RNF111: variants seen among roughly 807,000 people sequenced by gnomAD.
The protein encoded by RNF111 is ring finger protein 111.
A neutral mutation model predicts 95.1 loss-of-function variants in RNF111; 17 were observed. That is an observed-to-expected ratio of 0.18 (90% CI 0.12 to 0.27). The LOEUF is 0.27. RNF111 is among the 10% of genes least tolerant of loss of function. The pLI is 1.00. For synonymous variants in RNF111, 440 were observed against 414.8 expected, an observed-to-expected ratio of 1.06 and a Z score of -0.74; for missense variants, 1,189 against 1,210.4, an observed-to-expected ratio of 0.98 and a Z score of 0.26.
chr15:59,030,795 G>A lies in RNF111; in HGVS notation c.-19-9G>A, dbSNP rs376106481. Reference sequence around the variant, plus strand: ...AAAAATCTTTTAAATATCTAATTTTGTCTTCTAGGCTTTCCTTAAAGTTTC... The same window carrying A: ...AAAAATCTTTTAAATATCTAATTTTATCTTCTAGGCTTTCCTTAAAGTTTC... On this transcript the variant is annotated splice_polypyrimidine_tract_variant and intron_variant, in intron 1 of 13. Transcript: ENST00000348370. 207 of 1,516,764 alleles carry A rather than the reference G, an allele frequency of 1.4e-4. No homozygotes were observed. Among genetic ancestry groups the A allele is most frequent in the Non-Finnish European group, 1.5e-4 (174 of 1,130,170 alleles). 94.0% of individuals were successfully genotyped at this position (1,516,764 alleles called of 1,614,324 possible).
At chr15:59,081,593 A>G (rs1435815908) in intron 8 of RNF111, among the ~76,000 whole-genome samples, 2 of 152,124 alleles carry the variant, frequency 1.3e-5, no homozygotes, top group Non-Finnish European at 2.9e-5. Context: ...GGTGAGGCTC[A>G]TTCCCGTAAT....
At chr15:59,000,401 C>T (rs984139045) in intron 1 of RNF111, among the ~76,000 whole-genome samples, 3 of 151,832 alleles carry the variant, frequency 2.0e-5, no homozygotes, top group Non-Finnish European at 2.9e-5. Flanking sequence ...AGGCACCCGG[C>T]CCATTTTTAA....
intron 5 of RNF111, 21 bp downstream of exon 5, chr15:59,058,571 G>C (rs776545454): frequency 1.2e-6 from 2 of 1,603,612 alleles, no homozygotes; most frequent in Admixed American, 3.3e-5. Context: ...AAGTGGGGGA[G>C]GGGAGACTTT....
At chr15:59,015,260 G>C (rs2040013105) in intron 1 of RNF111, among the ~76,000 whole-genome samples, 1 of 152,100 alleles carries the variant, frequency 6.6e-6, no homozygotes, top group Non-Finnish European at 1.5e-5. Context: ...TTATCATTTT[G>C]AAGGCTTTCT....
intron 1 of RNF111, chr15:59,004,192 A>G: frequency 1.8e-6 from 2 of 1,083,138 alleles, no homozygotes; most frequent in South Asian, 3.8e-5. Context: ...CTTTGTTTTT[A>G]GTTATCTTCC....
At chr15:59,084,384 C>A in intron 9 of RNF111, 130 bp downstream of exon 9, 1 of 910,332 alleles carries the variant, frequency 1.1e-6, no homozygotes, top group Non-Finnish European at 1.5e-6. Context: ...TTAACTGAGA[C>A]ACTGCCTCTG....
chr15:59,026,903 C>T lies in RNF111; in HGVS notation c.-19-3901C>T, dbSNP rs372454635. On this transcript the variant is annotated intron_variant, in intron 1 of 13. Coordinates refer to ENST00000348370, the MANE Select transcript of RNF111 (RefSeq NM_017610.8). Reference sequence around the variant, plus strand: ...GTGTACAAACACACACCACAGCATACACCAAACCACCCCCCCTTGCTCTCC... The same window carrying T: ...GTGTACAAACACACACCACAGCATATACCAAACCACCCCCCCTTGCTCTCC... Among the ~76,000 whole-genome samples, 6 of 152,280 alleles carry T rather than the reference C, an allele frequency of 3.9e-5. No individual in the cohort carries two copies. In the East Asian group the frequency reaches 9.6e-4, roughly 24 times the overall value.
At chr15:59,070,138 T>G (rs1274392669) in intron 6 of RNF111, among the ~76,000 whole-genome samples, 4 of 149,884 alleles carry the variant, frequency 2.7e-5, no homozygotes, top group African/African-American at 9.9e-5. Context: ...GACTTCTAAT[T>G]GGCTGGGACT....
At position 59,089,736 on chromosome 15, in the gene RNF111, G is replaced by A. The variant is rs373243485; in HGVS notation, c.2620G>A (p.Gly874Ser). Residue 874 changes from glycine to serine, a missense_variant, in exon 11 of 14, where the codon GGT (glycine) becomes AGT (serine). Gly to Ser is a moderately conservative substitution (Grantham distance 56). This residue lies in a region of RNF111 where 165 missense variants were observed against 284.6 expected (regional missense o/e 0.58). Coordinates refer to ENST00000348370, the MANE Select transcript of RNF111 (RefSeq NM_017610.8). The part of the protein sequence containing the change: ...SSGLDGTSFR[G>S]PFRGNFEELI... ...AGGATTGGATGGAACATCATTCAGAGGTCCTTTCAGGGGCAATTTTGAGGT... is the reference window on the plus strand; with the variant it reads ...AGGATTGGATGGAACATCATTCAGAAGTCCTTTCAGGGGCAATTTTGAGGT... 12 of 1,612,986 alleles carry A rather than the reference G, an allele frequency of 7.4e-6. No homozygotes were observed. The highest frequency in any genetic ancestry group is 1.0e-5 in the Non-Finnish European group (12 of 1,179,296).
chr15:59,051,263 C>A (rs566716188), intron 2 of RNF111, among the ~76,000 whole-genome samples: 2 of 150,148 alleles, frequency 1.3e-5, no homozygotes, highest in South Asian at 4.2e-4. Context: ...ACCATCCTGG[C>A]TAACACAGTG....
chr15:59,018,999 C>G (rs2040202175), intron 1 of RNF111, among the ~76,000 whole-genome samples: 1 of 152,048 alleles, frequency 6.6e-6, no homozygotes, highest in Non-Finnish European at 1.5e-5. Flanking sequence ...CCTCAGCTCA[C>G]TGCAGCCTCT....
At chr15:59,093,782 A>G (rs2079123577) in intron 13 of RNF111, among the ~76,000 whole-genome samples, 1 of 152,008 alleles carries the variant, frequency 6.6e-6, no homozygotes, top group South Asian at 2.1e-4. Context: ...ACTTTGTCGT[A>G]CCTCTTCAGT....
At position 59,041,592 on chromosome 15, in the gene RNF111, C is replaced by T. The variant is rs537631721; in HGVS notation, c.880+9890C>T. ...AAAAAAAAATTACTGCAATAAATAGCTTTTTGTATATGTCATTTCATATTT... is the reference window on the plus strand; with the variant it reads ...AAAAAAAAATTACTGCAATAAATAGTTTTTTGTATATGTCATTTCATATTT... On this transcript the variant is annotated intron_variant, in intron 2 of 13. Coordinates refer to ENST00000348370, the MANE Select transcript of RNF111 (RefSeq NM_017610.8). Among the ~76,000 whole-genome samples, 14 of 152,118 alleles carry T rather than the reference C, an allele frequency of 9.2e-5. No individual in the cohort carries two copies. The East Asian group carries it at 2.5e-3, about 27-fold the overall frequency.
rs569196011 is a variant in RNF111 at position 59,076,119 on chromosome 15, A to G, written c.1852A>G (p.Ile618Val). The G allele has an allele frequency of 7.1e-5, 115 of 1,614,160 alleles. 1 individual carries two copies. In the South Asian group the frequency reaches 9.9e-4, roughly 14 times the overall value. ...AAAPSQPLSS[I>V]DGYGSSMVAQ... ...TGCCCCAAGTCAACCTTTATCATCA[A>G]TAGATGGCTATGGATCAAGCATGGT... is the stretch of plus-strand genomic sequence containing the variant. Residue 618 changes from isoleucine (I) to valine (V), a missense_variant, in exon 7 of 14, where the codon ATA becomes GTA. By Grantham distance (29) the Ile-to-Val change is conservative. This residue lies in a region of RNF111 where 1,024 missense variants were observed against 925.9 expected (regional missense o/e 1.11). Coordinates refer to ENST00000348370, the MANE Select transcript of RNF111 (RefSeq NM_017610.8).
chr15:58,991,173 G>A (rs981424680), intron 1 of RNF111, among the ~76,000 whole-genome samples: 1 of 151,776 alleles, frequency 6.6e-6, no homozygotes, highest in Non-Finnish European at 1.5e-5. Flanking sequence ...GGTGGCATGC[G>A]CCTGTAATCC....
chr15:59,026,050 A>C (rs2040591140), intron 1 of RNF111, among the ~76,000 whole-genome samples: 1 of 151,708 alleles, frequency 6.6e-6, no homozygotes, highest in Non-Finnish European at 1.5e-5. Context: ...TTTTCTTTTA[A>C]AATCTTATTT....
intron 5 of RNF111, 185 bp downstream of exon 5, chr15:59,058,735 G>A: frequency 1.7e-6 from 1 of 593,664 alleles, no homozygotes; most frequent in South Asian, 2.0e-5. Flanking sequence ...GAGTTTGTGT[G>A]CTATATGTAA....
Position 59,029,973 on chromosome 15 carries a change from T to C in RNF111, c.-19-831T>C, listed in dbSNP as rs78245646. Among the ~76,000 whole-genome samples, 387 of 152,364 alleles carry C rather than the reference T, an allele frequency of 2.5e-3. 2 individuals carry two copies. The highest frequency in any genetic ancestry group is 8.8e-3 in the African/African-American group (366 of 41,588). ...ACATTTACTGCCTTTCTGATTAATA[T>C]ATTTCATTTTGAGTCATGATATTTA... On this transcript the variant is annotated intron_variant, in intron 1 of 13. Transcript: ENST00000348370.
chr15:59,027,265 C>T (rs765746456), intron 1 of RNF111, among the ~76,000 whole-genome samples: 8 of 152,200 alleles, frequency 5.3e-5, no homozygotes, highest in Non-Finnish European at 7.3e-5. Context: ...ATAACTCTGA[C>T]ATGGGTTTCT....
Sources: gnomAD v4.1 joint callset for allele counts (sites outside exome capture counted in the v4.1 genomes callset) on GRCh38, gnomAD v4.1.1 for gene constraint, gnomAD v4.1.1 regional missense constraint, MANE v1.5 for transcripts, NCBI Gene and HGNC (gene_info 2026-07-23, HGNC 2026-07-21) for gene names.